Variants in KSR1 observed in about 807,000 individuals in gnomAD.
KSR1 encodes the protein kinase suppressor of ras 1.
KSR1 carries 35 observed loss-of-function variants against 92.9 expected under a neutral mutation model. That is an observed-to-expected ratio of 0.38 (90% CI 0.29 to 0.50). KSR1 has a LOEUF of 0.50. Ranked by LOEUF, KSR1 falls within the 20% of genes least tolerant of loss-of-function variation. KSR1 has a pLI of 0.94. For missense variants in KSR1, 972 were observed against 1,158.5 expected (o/e 0.84, Z 2.34); for synonymous variants, 467 against 472.6 (o/e 0.99, Z 0.15).
At chr17:27,476,193 A>C (rs561405930) in intron 1 of KSR1, among the ~76,000 whole-genome samples, 40 of 152,262 alleles carry the variant, frequency 2.6e-4, no homozygotes, top group Admixed American at 1.8e-3. Flanking sequence ...TTGAGCCCCC[A>C]CCCCTTCTCA....
intron 1 of KSR1, among the ~76,000 whole-genome samples, chr17:27,501,279 AATTTC>A (rs2069169901): frequency 1.4e-5 from 1 of 70,354 alleles, no homozygotes; most frequent in Non-Finnish European, 3.0e-5. Context: ...TTTTTTTTTT[AATTTC>A]TTTTCTTCTT....
At chr17:27,545,115 G>A (rs73983467) in intron 1 of KSR1, among the ~76,000 whole-genome samples, 2,300 of 152,246 alleles carry the variant, frequency 0.015, 55 homozygotes, top group African/African-American at 0.052. Flanking sequence ...CAGGTTTATG[G>A]GTTATCTGGG....
At chr17:27,601,907 C>A in intron 11 of KSR1, 1 of 1,609,468 alleles carries the variant, frequency 6.2e-7, no homozygotes, top group Non-Finnish European at 8.5e-7. Context: ...ATCTGCTGGC[C>A]ATTGCTGGAA....
chr17:27,596,254 A>G (rs1420522992), intron 9 of KSR1, among the ~76,000 whole-genome samples: 2 of 152,222 alleles, frequency 1.3e-5, no homozygotes, highest in African/African-American at 2.4e-5. Context: ...TGAATGGGCA[A>G]TGAGCCAGTG....
intron 5 of KSR1, chr17:27,585,946 C>G (rs2072951076): frequency 6.2e-6 from 3 of 481,178 alleles, no homozygotes; most frequent in Non-Finnish European, 1.1e-5. Flanking sequence ...TCCACCTTGC[C>G]CTTCCCCACC....
intron 1 of KSR1, among the ~76,000 whole-genome samples, chr17:27,539,066 G>T (rs1284128947): frequency 6.6e-6 from 1 of 152,228 alleles, no homozygotes; most frequent in Non-Finnish European, 1.5e-5. Context: ...TAGGTAAGGG[G>T]TTTGGCCCAT....
At chr17:27,555,762 A>G (rs964399994) in intron 2 of KSR1, among the ~76,000 whole-genome samples, 9 of 152,250 alleles carry the variant, frequency 5.9e-5, no homozygotes, top group African/African-American at 1.9e-4. Context: ...TTACAGTTCA[A>G]TGACATTAAA....
intron 1 of KSR1, among the ~76,000 whole-genome samples, chr17:27,496,468 T>C (rs776973186): frequency 6.6e-6 from 1 of 152,208 alleles, no homozygotes; most frequent in Non-Finnish European, 1.5e-5. Context: ...TGCCTGATTT[T>C]AAGTATTTGA....
At chr17:27,620,894 GCCCA>G (rs2151274035) in intron 19 of KSR1, 1 of 277,338 alleles carries the variant, frequency 3.6e-6, no homozygotes, top group African/African-American at 2.2e-5. Flanking sequence ...GCTGTTCCCT[GCCCA>G]GCCCCTTCGA....
intron 18 of KSR1, among the ~76,000 whole-genome samples, chr17:27,615,883 C>T (rs1362350688): frequency 6.6e-6 from 1 of 152,144 alleles, no homozygotes; most frequent in Admixed American, 6.5e-5. Context: ...GAGTAGAATT[C>T]CAGATTCATA....
intron 1 of KSR1, among the ~76,000 whole-genome samples, chr17:27,544,612 G>C (rs2071092315): frequency 6.6e-6 from 1 of 152,254 alleles, no homozygotes; most frequent in Non-Finnish European, 1.5e-5. Flanking sequence ...ATATTGGGGT[G>C]TGAGAGATGT....
intron 1 of KSR1, among the ~76,000 whole-genome samples, chr17:27,508,825 G>A (rs976493200): frequency 1.3e-4 from 19 of 151,824 alleles, no homozygotes; most frequent in African/African-American, 4.6e-4. Flanking sequence ...CACCTCCCGG[G>A]TTCAAGTGAT....
Position 27,617,358 on chromosome 17 carries a change from G to A in KSR1, c.2557G>A (p.Asp853Asn). Residue 853 changes from aspartate (D) to asparagine (N), a missense_variant, in exon 19 of 21, where the codon GAC (aspartate) becomes AAC (asparagine). This residue lies in a region of KSR1 where 260 missense variants were observed against 375.2 expected (regional missense o/e 0.69). Coordinates refer to ENST00000644974, the MANE Select transcript of KSR1 (RefSeq NM_001394583.1). ...GAGACCCAGCTTCAGCCTGCTGATG[G>A]ACATGCTGGAGAAACTTCCCAAGCT... Reference protein sequence around the residue: ...QERPSFSLLMDMLEKLPKLNR... With the variant: ...QERPSFSLLMNMLEKLPKLNR... 6.2e-7 allele frequency: 1 copy of A among 1,613,012 alleles called. No homozygotes were observed. The highest frequency in any genetic ancestry group is 1.7e-5 in the Admixed American group (1 of 59,930).
intron 1 of KSR1, among the ~76,000 whole-genome samples, chr17:27,545,188 A>G (rs948995431): frequency 2.3e-4 from 35 of 152,182 alleles, no homozygotes; most frequent in African/African-American, 8.0e-4. Flanking sequence ...TGGGCTGTCT[A>G]GCGGGGATCT....
rs2151110512 is a variant in KSR1 at position 27,559,675 on chromosome 17, G to T, written c.372+8967G>T. On this transcript the variant is annotated intron_variant, in intron 2 of 20. Coordinates refer to ENST00000644974, the MANE Select transcript of KSR1 (RefSeq NM_001394583.1). This position sits in a 1 kb window ranked among gnomAD's most constrained non-coding sequence, Gnocchi z 4.2. ...AGTGAGAGCCCCAGATGCCCTGATG[G>T]CTCCGGGATGGGATCTGTTGGAGCC... Among the ~76,000 whole-genome samples, 1 of 152,374 alleles carries T rather than the reference G, an allele frequency of 6.6e-6. No homozygotes were observed. Among genetic ancestry groups the T allele is most frequent in the East Asian group, 1.9e-4 (1 of 5,190 alleles).
intron 2 of KSR1, among the ~76,000 whole-genome samples, chr17:27,553,415 C>T (rs1007969581): frequency 6.6e-5 from 10 of 152,164 alleles, no homozygotes; most frequent in Admixed American, 3.3e-4. Context: ...CGGGAGTCAG[C>T]CCAGAGCTTA....
intron 1 of KSR1, among the ~76,000 whole-genome samples, chr17:27,506,364 A>C (rs183774523): frequency 2.4e-3 from 369 of 152,318 alleles, no homozygotes; most frequent in Non-Finnish European, 4.1e-3. Flanking sequence ...CAATAATTAC[A>C]AGAGGTAGTT....
rs755288319 is a variant in KSR1 at position 27,456,892 on chromosome 17, C to T, written c.231+18C>T. 1 of 824,618 alleles carries T rather than the reference C, an allele frequency of 1.2e-6. No individual in the cohort carries two copies. Among genetic ancestry groups the T allele is most frequent in the East Asian group, 2.4e-5 (1 of 41,310 alleles). 51.1% of individuals were successfully genotyped at this position (824,618 alleles called of 1,614,324 possible). ...CCCTGGAGGTAAGTGGGTCGGGGAC[C>T]AGGCTGGGCTCGAGGAGCGGGCCCG... is the stretch of plus-strand genomic sequence containing the variant. On this transcript the variant is annotated intron_variant, in intron 1 of 20. Coordinates refer to ENST00000644974, the MANE Select transcript of KSR1 (RefSeq NM_001394583.1).
chr17:27,542,664 C>T (rs2071008888), intron 1 of KSR1, among the ~76,000 whole-genome samples: 1 of 152,160 alleles, frequency 6.6e-6, no homozygotes, highest in South Asian at 2.1e-4. Context: ...GGGGTATAAT[C>T]CAAACGGCAC....
Sources: gnomAD v4.1 joint callset for allele counts (sites outside exome capture counted in the v4.1 genomes callset) on GRCh38, gnomAD v4.1.1 for gene constraint, gnomAD v4.1.1 regional missense constraint, Gnocchi (gnomAD v3.1) non-coding constraint, MANE v1.5 for transcripts, NCBI Gene and HGNC (gene_info 2026-07-23, HGNC 2026-07-21) for gene names.